The following COL26A1 variants were observed in gnomAD, a reference collection of about 807,000 sequenced individuals.
The protein encoded by COL26A1 is collagen alpha-1(XXVI) chain.
COL26A1 carries 41 observed loss-of-function variants against 59.3 expected under a neutral mutation model. That is an observed-to-expected ratio of 0.69 (90% confidence interval 0.54 to 0.90). COL26A1 has a LOEUF of 0.90. Ranked by LOEUF, COL26A1 falls within the 40% of genes least tolerant of loss-of-function variation. COL26A1 has a pLI of 0.00. For missense variants in COL26A1, 612 were observed against 602.3 expected (o/e 1.02, Z -0.17); for synonymous variants, 266 against 256.0 (o/e 1.04, Z -0.37).
At chr7:101,395,860 C>T (rs1324367410) in intron 1 of COL26A1, among the ~76,000 whole-genome samples, 1 of 152,126 alleles carries the variant, frequency 6.6e-6, no homozygotes, top group South Asian at 2.1e-4. Context: ...GAGGCTGCAG[C>T]CTTGGGGTTG....
At chr7:101,435,653 G>T (rs1319985632) in intron 2 of COL26A1, among the ~76,000 whole-genome samples, 1 of 151,936 alleles carries the variant, frequency 6.6e-6, no homozygotes, top group Non-Finnish European at 1.5e-5. Context: ...TAAACCCCTC[G>T]GTTGGCTGCT....
intron 1 of COL26A1, among the ~76,000 whole-genome samples, chr7:101,413,213 C>T (rs1312624265): frequency 3.9e-5 from 6 of 152,010 alleles, no homozygotes; most frequent in African/African-American, 1.4e-4. Context: ...AGTGGGCCGC[C>T]TCTTGCAAGA....
At chr7:101,448,785 C>T (rs2130381757) in intron 3 of COL26A1, among the ~76,000 whole-genome samples, 1 of 152,316 alleles carries the variant, frequency 6.6e-6, no homozygotes, top group South Asian at 2.1e-4. Context: ...AACCACCTCT[C>T]CCGGCTGGAG....
At chr7:101,537,967 CT>C (rs1449507819) in intron 4 of COL26A1, among the ~76,000 whole-genome samples, 1 of 152,118 alleles carries the variant, frequency 6.6e-6, no homozygotes, top group East Asian at 1.9e-4. Context: ...AAGCCTGCCC[CT>C]CTCCCGTGCC....
At chr7:101,405,767 C>T (rs895561622) in intron 1 of COL26A1, among the ~76,000 whole-genome samples, 6 of 152,154 alleles carry the variant, frequency 3.9e-5, no homozygotes, top group African/African-American at 1.4e-4. Context: ...TGCTCAAAAC[C>T]ACACAGCCTG....
At chr7:101,504,807 C>CTGTGTGTG (rs149023314) in intron 3 of COL26A1, among the ~76,000 whole-genome samples, 11 of 150,496 alleles carry the variant, frequency 7.3e-5, no homozygotes, top group African/African-American at 2.7e-4. Context: ...GTTGCCCAGA[C>CTGTGTGTG]TGTGTGTGTG....
At chr7:101,506,524 G>A (rs1563017562) in intron 3 of COL26A1, among the ~76,000 whole-genome samples, 1 of 152,234 alleles carries the variant, frequency 6.6e-6, no homozygotes, top group Non-Finnish European at 1.5e-5. Context: ...GGAGCTGAGA[G>A]GGGCCCCGAG....
chr7:101,514,698 G>A (rs6975214), intron 3 of COL26A1, among the ~76,000 whole-genome samples: 49,593 of 152,054 alleles, frequency 0.33, 8,362 homozygotes, highest in Middle Eastern at 0.38. Flanking sequence ...GCAGCGCCTG[G>A]GCCCAGCCTG....
At chr7:101,375,989 GAAAAAAA>G (rs35433251) in intron 1 of COL26A1, among the ~76,000 whole-genome samples, 13 of 122,770 alleles carry the variant, frequency 1.1e-4, no homozygotes, top group African/African-American at 3.9e-4. Flanking sequence ...CCATCTCAAA[GAAAAAAA>G]AAAAAAAAAA....
Position 101,539,873 on chromosome 7 carries a change from C to G in COL26A1, c.448-20C>G. 2 of 1,604,594 alleles carry G rather than the reference C, an allele frequency of 1.2e-6. No homozygotes were observed. Among genetic ancestry groups the G allele is most frequent in the Non-Finnish European group, 1.7e-6 (2 of 1,175,918 alleles). ...TGTCAGGCCCAACTGGGACCTGACT[C>G]TCTATCTCCTTTGGCCCAGGTCCTC... is the stretch of plus-strand genomic sequence containing the variant. On this transcript the variant is annotated intron_variant, in intron 4 of 12. Transcript: ENST00000313669.
At chr7:101,417,399 A>G (rs1173708975) in intron 1 of COL26A1, among the ~76,000 whole-genome samples, 4 of 133,764 alleles carry the variant, frequency 3.0e-5, no homozygotes, top group Non-Finnish European at 6.4e-5. Flanking sequence ...TCTTTTTTCC[A>G]TCCCCCAAGA....
At chr7:101,546,746 A>G (rs984928372) in intron 7 of COL26A1, among the ~76,000 whole-genome samples, 1 of 152,070 alleles carries the variant, frequency 6.6e-6, no homozygotes, top group African/African-American at 2.4e-5. Context: ...TGATGTAATC[A>G]GACTCCCCAG....
chr7:101,513,856 G>A (rs904561022), intron 3 of COL26A1, among the ~76,000 whole-genome samples: 6 of 152,114 alleles, frequency 3.9e-5, no homozygotes, highest in African/African-American at 1.2e-4. Flanking sequence ...TGAAATTGAC[G>A]ACGGGCTGGT....
At chr7:101,421,651 GA>G (rs34559844) in intron 2 of COL26A1, among the ~76,000 whole-genome samples, 269 of 142,142 alleles carry the variant, frequency 1.9e-3, no homozygotes, top group East Asian at 5.6e-3. Context: ...CTCCAGCCTG[GA>G]AAAAAAAAAA....
At chr7:101,465,868 G>C (rs1461305121) in intron 3 of COL26A1, among the ~76,000 whole-genome samples, 1 of 152,114 alleles carries the variant, frequency 6.6e-6, no homozygotes, top group East Asian at 1.9e-4. Flanking sequence ...TCATCTTCTG[G>C]GGGTCCACAC....
In COL26A1 at chr7:101,404,434, T is replaced by TC. The variant is rs151236251; in HGVS notation, c.159-15535dup. Among the ~76,000 whole-genome samples the TC allele has an allele frequency of 6.8e-3, 1,031 of 151,166 alleles. 4 individuals are homozygous for TC. The highest frequency in any genetic ancestry group is 0.011 in the Non-Finnish European group (732 of 67,750). On this transcript the variant is annotated intron_variant, in intron 1 of 12. Coordinates refer to ENST00000313669, the MANE Select transcript of COL26A1 (RefSeq NM_001278563.3). The stretch of plus-strand genomic sequence containing the variant: ...GGTGTCCTGGTTGCACCATTTACCC[T>TC]CCCCCCCCAAATGGCTTTGGGCAAA...
At chr7:101,380,677 C>A (rs1157821323) in intron 1 of COL26A1, among the ~76,000 whole-genome samples, 1 of 152,136 alleles carries the variant, frequency 6.6e-6, no homozygotes, top group South Asian at 2.1e-4. Context: ...TCTGGCCACA[C>A]CCTGATCAGT....
At chr7:101,507,744 A>G (rs1794842031) in intron 3 of COL26A1, among the ~76,000 whole-genome samples, 1 of 151,714 alleles carries the variant, frequency 6.6e-6, no homozygotes, top group South Asian at 2.1e-4. Context: ...GATCTCACCC[A>G]CCTATCAGAA....
chr7:101,542,402 A>C (rs1183418891), intron 5 of COL26A1, among the ~76,000 whole-genome samples: 1 of 152,162 alleles, frequency 6.6e-6, no homozygotes, highest in Non-Finnish European at 1.5e-5. Context: ...CACCCAGCCT[A>C]CAGATATCAC....
Sources: gnomAD v4.1 joint callset for allele counts (sites outside exome capture counted in the v4.1 genomes callset) on GRCh38, gnomAD v4.1.1 for gene constraint, MANE v1.5 for transcripts, NCBI Gene and HGNC (gene_info 2026-07-23, HGNC 2026-07-21) for gene names.